Variants in KIRREL3 observed in about 807,000 individuals in gnomAD.
The protein encoded by KIRREL3 is kin of IRRE-like protein 3.
Under a neutral mutation model 89.7 loss-of-function variants are expected in KIRREL3, and 36 were observed. That is an observed-to-expected ratio of 0.40 (90% CI 0.31 to 0.53). The LOEUF is 0.53. KIRREL3 is among the 20% of genes least tolerant of loss of function. The pLI is 0.49. For missense variants in KIRREL3, 864 were observed against 1,056.6 expected, an observed-to-expected ratio of 0.82 and a Z score of 2.53; for synonymous variants, 445 against 441.4, an observed-to-expected ratio of 1.01 and a Z score of -0.10.
In KIRREL3 at chr11:126,923,445, C is replaced by CTT. The variant is rs35440461; in HGVS notation, c.55+77008_55+77009dup. 9.5e-4 allele frequency among the ~76,000 whole-genome samples: 91 copies of CTT among 95,314 alleles called. 3 individuals carry two copies. In the East Asian group the frequency reaches 0.013, roughly 14 times the overall value. 62.5% of individuals were successfully genotyped at this position (95,314 alleles called of 152,430 possible). On this transcript the variant is annotated intron_variant, in intron 1 of 16. Coordinates refer to ENST00000525144, the MANE Select transcript of KIRREL3 (RefSeq NM_032531.4). ...TCTTCCTCTTCCTCTTCTTCTCCTT[C>CTT]TTTTTTTTTTTTTTTTGAGACAGAG... is the stretch of plus-strand genomic sequence containing the variant.
intron 5 of KIRREL3, among the ~76,000 whole-genome samples, chr11:126,473,020 A>ATCCCCCTCG (rs1956952283): frequency 4.4e-5 from 2 of 45,834 alleles, no homozygotes; most frequent in Non-Finnish European, 3.6e-5. Context: ...CCAGCCCCCC[A>ATCCCCCTCG]CTATCCTCCC....
rs1259281309 is a variant in KIRREL3, at chr11:126,772,991, A to G, written c.56-210079T>C. ...GAGCAAGCTATGGAAACATTTAGTG[A>G]CATCAGTGATCTTGTGAAAGCCACT... On this transcript the variant is annotated intron_variant, in intron 1 of 16. Transcript: ENST00000525144. The surrounding 1 kb of genome is among the most constrained non-coding windows in gnomAD (Gnocchi z 4.6). 6.6e-6 allele frequency among the ~76,000 whole-genome samples: 1 copy of G among 152,216 alleles called. No homozygotes were observed. Among genetic ancestry groups the G allele is most frequent in the African/African-American group, 2.4e-5 (1 of 41,456 alleles).
chr11:126,854,523 G>A (rs1250335899), intron 1 of KIRREL3, among the ~76,000 whole-genome samples: 1 of 151,998 alleles, frequency 6.6e-6, no homozygotes, highest in African/African-American at 2.4e-5. Context: ...TGTATTCCAG[G>A]TTCATCCATG....
rs932256377 is a variant in KIRREL3 at position 126,571,124 on chromosome 11, C to T, written c.56-8212G>A. On this transcript the variant is annotated intron_variant, in intron 1 of 16. Transcript: ENST00000525144. This position sits in a 1 kb window ranked among gnomAD's most constrained non-coding sequence, Gnocchi z 7.7. ...CGTCGTGCCATGCTCTGTCTCCATT[C>T]TCTGTGAGATTCGACTCCCAACCAA... is the stretch of plus-strand genomic sequence containing the variant. Among the ~76,000 whole-genome samples the T allele has an allele frequency of 6.6e-6, 1 of 152,220 alleles. No homozygotes were observed. Among genetic ancestry groups the T allele is most frequent in the East Asian group, 1.9e-4 (1 of 5,198 alleles).
intron 1 of KIRREL3, among the ~76,000 whole-genome samples, chr11:126,821,381 G>T: frequency 8.0e-6 from 1 of 125,094 alleles, no homozygotes; most frequent in Admixed American, 8.1e-5. Flanking sequence ...CCCTTCCTTT[G>T]GAAAGGGCTT....
chr11:126,546,786 A>G (rs1291187667), intron 2 of KIRREL3, among the ~76,000 whole-genome samples: 2 of 150,428 alleles, frequency 1.3e-5, no homozygotes, highest in African/African-American at 2.5e-5. Context: ...GGTGCTTTAT[A>G]CTTTTTTTCA....
At chr11:126,453,300 C>T (rs1956244086) in intron 7 of KIRREL3, among the ~76,000 whole-genome samples, 1 of 152,074 alleles carries the variant, frequency 6.6e-6, no homozygotes, top group South Asian at 2.1e-4. Flanking sequence ...CACTGAGAGA[C>T]TCTCAGAGGA....
At position 126,570,992 on chromosome 11, in the gene KIRREL3, A is replaced by G. The variant is rs1357333223; in HGVS notation, c.56-8080T>C. ...CACAGGTGTTATTCTCCTTGTTGTT[A>G]TTTAGCGAGAGATTGACACTTTAGA... On this transcript the variant is annotated intron_variant, in intron 1 of 16. Coordinates refer to ENST00000525144, the MANE Select transcript of KIRREL3 (RefSeq NM_032531.4). This position sits in a 1 kb window ranked among gnomAD's most constrained non-coding sequence, Gnocchi z 6.1. Among the ~76,000 whole-genome samples, 1 of 152,114 alleles carries G rather than the reference A, an allele frequency of 6.6e-6. No individual in the cohort carries two copies. The highest frequency in any genetic ancestry group is 2.4e-5 in the African/African-American group (1 of 41,416).
chr11:126,568,189 G>T lies in KIRREL3; in HGVS notation c.56-5277C>A, dbSNP rs1940658602. 6.6e-6 allele frequency among the ~76,000 whole-genome samples: 1 copy of T among 152,112 alleles called. No homozygotes were observed. The highest frequency in any genetic ancestry group is 2.1e-4 in the South Asian group (1 of 4,820). ...CAATGAGCCTCACCCAGGAGTCTGG[G>T]CTCTCTCTTAAAGGAGGTGGGAGCC... On this transcript the variant is annotated intron_variant, in intron 1 of 16. Coordinates refer to ENST00000525144, the MANE Select transcript of KIRREL3 (RefSeq NM_032531.4). The surrounding 1 kb of genome is among the most constrained non-coding windows in gnomAD (Gnocchi z 4.6).
rs192241134 is a variant in KIRREL3, at chr11:126,890,383, C to T, written c.55+110072G>A. ...GGGGCTCAGAGACTGAGCAGTCCTGCGTGCTCCTGTGGTGGCCTAATGTGA... is the reference window on the plus strand; with the variant it reads ...GGGGCTCAGAGACTGAGCAGTCCTGTGTGCTCCTGTGGTGGCCTAATGTGA... On this transcript the variant is annotated intron_variant, in intron 1 of 16. Transcript: ENST00000525144. This position sits in a 1 kb window ranked among gnomAD's most constrained non-coding sequence, Gnocchi z 5.1. 2.6e-5 allele frequency among the ~76,000 whole-genome samples: 4 copies of T among 152,338 alleles called. No homozygotes were observed. The highest frequency in any genetic ancestry group is 2.9e-5 in the Non-Finnish European group (2 of 68,030).
At chr11:126,646,071 A>C (rs2134951561) in intron 1 of KIRREL3, among the ~76,000 whole-genome samples, 2 of 152,272 alleles carry the variant, frequency 1.3e-5, no homozygotes, top group Middle Eastern at 6.8e-3. Context: ...AATAATACTC[A>C]GCAAGGCAAT....
intron 2 of KIRREL3, among the ~76,000 whole-genome samples, chr11:126,532,565 G>A (rs1431944426): frequency 6.6e-6 from 1 of 151,986 alleles, no homozygotes; most frequent in Admixed American, 6.6e-5. Flanking sequence ...TAGTAGAGAC[G>A]GGGTTTCACC....
In KIRREL3 at chr11:126,475,450, G is replaced by A. The variant is rs919528194; in HGVS notation, c.434-1984C>T. ...AACAGCTGCCTTGCCCTCCCTGCCC[G>A]GCCTTGGAGGCCTGCTCCCACACTA... On this transcript the variant is annotated intron_variant, in intron 4 of 16. Coordinates refer to ENST00000525144, the MANE Select transcript of KIRREL3 (RefSeq NM_032531.4). This position sits in a 1 kb window ranked among gnomAD's most constrained non-coding sequence, Gnocchi z 7.5. Among the ~76,000 whole-genome samples the A allele has an allele frequency of 1.3e-5, 2 of 152,226 alleles. No homozygotes were observed. Among genetic ancestry groups the A allele is most frequent in the Middle Eastern group, 3.4e-3 (1 of 294 alleles).
chr11:126,516,665 C>G lies in KIRREL3; in HGVS notation c.433+4650G>C, dbSNP rs530593388. On this transcript the variant is annotated intron_variant, in intron 4 of 16. Transcript: ENST00000525144. The surrounding 1 kb of genome is among the most constrained non-coding windows in gnomAD (Gnocchi z 4.9). ...CCCTGGATGTCCCAACACCTTGCTT[C>G]CCAAGTTTCCAGGAAGTTGAAGAGA... Among the ~76,000 whole-genome samples, 1 of 152,298 alleles carries G rather than the reference C, an allele frequency of 6.6e-6. No individual in the cohort carries two copies. The highest frequency in any genetic ancestry group is 1.9e-4 in the East Asian group (1 of 5,186).
chr11:126,832,424 G>A (rs1342560664), intron 1 of KIRREL3, among the ~76,000 whole-genome samples: 1 of 152,132 alleles, frequency 6.6e-6, no homozygotes, highest in Non-Finnish European at 1.5e-5. Context: ...TTCCTAGAAG[G>A]AGACCCCTGG....
chr11:126,424,210 A>C lies in KIRREL3; in HGVS notation c.*370T>G. ...CTGGTCAGCGAGGGGTAGAGCCCAC[A>C]GAGAGACCAGAGAGTGGACCGCAGT... On this transcript the variant is annotated 3_prime_UTR_variant, in exon 17 of 17. Coordinates refer to ENST00000525144, the MANE Select transcript of KIRREL3 (RefSeq NM_032531.4). 3.2e-6 allele frequency: 1 copy of C among 315,112 alleles called. No homozygotes were observed. Among genetic ancestry groups the C allele is most frequent in the Non-Finnish European group, 6.1e-6 (1 of 163,492 alleles). 19.5% of individuals were successfully genotyped at this position (315,112 alleles called of 1,614,324 possible).
At chr11:126,930,126 C>T (rs1192609285) in intron 1 of KIRREL3, among the ~76,000 whole-genome samples, 1 of 151,938 alleles carries the variant, frequency 6.6e-6, no homozygotes, top group Non-Finnish European at 1.5e-5. Context: ...ACTCTTCACT[C>T]CCCCCTGCAC....
chr11:126,435,209 G>T, intron 13 of KIRREL3, 59 bp downstream of exon 13: 1 of 1,587,764 alleles, frequency 6.3e-7, no homozygotes, highest in Non-Finnish European at 8.6e-7. Flanking sequence ...TCCCTCCCCA[G>T]CTAGCCAGGA....
Position 126,575,549 on chromosome 11 carries a change from AAATAT to A in KIRREL3, c.56-12642_56-12638del, listed in dbSNP as rs1941211747. Among the ~76,000 whole-genome samples, 1 of 152,344 alleles carries A rather than the reference AAATAT, an allele frequency of 6.6e-6. No individual in the cohort carries two copies. Among genetic ancestry groups the A allele is most frequent in the South Asian group, 2.1e-4 (1 of 4,826 alleles). On this transcript the variant is annotated intron_variant, in intron 1 of 16. Coordinates refer to ENST00000525144, the MANE Select transcript of KIRREL3 (RefSeq NM_032531.4). This position sits in a 1 kb window ranked among gnomAD's most constrained non-coding sequence, Gnocchi z 7.0. ...GCCCCTATAAATGGTACTTACTTATAAATATAATATATTATTAGAAAGTACAGGGG... is the reference window on the plus strand; with the variant it reads ...GCCCCTATAAATGGTACTTACTTATAAATATATTATTAGAAAGTACAGGGG...
Sources: allele counts gnomAD v4.1 joint callset (sites outside exome capture counted in the v4.1 genomes callset), GRCh38; gene constraint gnomAD v4.1.1; non-coding constraint Gnocchi (gnomAD v3.1); transcripts MANE v1.5; gene names NCBI Gene and HGNC (gene_info 2026-07-23, HGNC 2026-07-21).